Variants in WWC2 observed in about 807,000 individuals in gnomAD.
WWC2 encodes protein WWC2.
A neutral mutation model predicts 138.5 loss-of-function variants in WWC2; 101 were observed. That is an observed-to-expected ratio of 0.73 (90% confidence interval 0.62 to 0.86). WWC2 has a LOEUF of 0.86. Ranked by LOEUF, WWC2 falls within the 40% of genes least tolerant of loss-of-function variation. WWC2 has a pLI of 0.00. For missense variants in WWC2, 1,420 were observed against 1,419.4 expected, an observed-to-expected ratio of 1.00 and a Z score of -0.01; for synonymous variants, 558 against 538.4, an observed-to-expected ratio of 1.04 and a Z score of -0.50.
intron 21 of WWC2, among the ~76,000 whole-genome samples, chr4:183,311,681 G>A (rs1739248893): frequency 6.7e-6 from 1 of 149,746 alleles, no homozygotes; most frequent in Non-Finnish European, 1.5e-5. Flanking sequence ...CCAGGTTCAA[G>A]CCATTCTGCC....
chr4:183,207,657 GC>G (rs1417517008), intron 2 of WWC2, among the ~76,000 whole-genome samples: 2 of 152,234 alleles, frequency 1.3e-5, no homozygotes, highest in South Asian at 4.2e-4. Flanking sequence ...GGAATGAATA[GC>G]TTGGCTTTTA....
intron 2 of WWC2, among the ~76,000 whole-genome samples, chr4:183,197,774 A>G (rs755074824): frequency 1.3e-5 from 2 of 152,172 alleles, no homozygotes; most frequent in Non-Finnish European, 2.9e-5. Flanking sequence ...ATTTACATAC[A>G]CAAAAATGCA....
At position 183,289,595 on chromosome 4, in the gene WWC2, A is replaced by G. The variant is rs1185816018; in HGVS notation, c.3344A>G (p.Asp1115Gly). 6.2e-7 allele frequency: 1 copy of G among 1,613,854 alleles called. No individual in the cohort carries two copies. The highest frequency in any genetic ancestry group is 1.3e-5 in the African/African-American group (1 of 75,008). Residue 1115 changes from aspartate (D) to glycine (G), a missense_variant, in exon 21 of 23, where the codon GAT becomes GGT. By Grantham distance (94) the Asp-to-Gly change is moderately conservative. Transcript: ENST00000403733. The stretch of plus-strand genomic sequence containing the variant: ...GACCTTCCACCAGGCGTGCTGGAGG[A>G]TGAGAGGTTCCAGAGGCTTCTGAAG... ...ETDLPPGVLE[D>G]ERFQRLLKQA...
At chr4:183,212,520 A>G (rs75544546) in intron 4 of WWC2, among the ~76,000 whole-genome samples, 2,526 of 152,292 alleles carry the variant, frequency 0.017, 74 homozygotes, top group African/African-American at 0.058. Flanking sequence ...CTTACTCTCA[A>G]TAAACTCCAA....
chr4:183,158,775 A>G (rs2111134928), intron 1 of WWC2, among the ~76,000 whole-genome samples: 1 of 152,276 alleles, frequency 6.6e-6, no homozygotes, highest in South Asian at 2.1e-4. Flanking sequence ...ATACATAAAC[A>G]TTCCAGTAAA....
intron 2 of WWC2, among the ~76,000 whole-genome samples, chr4:183,202,505 T>A (rs1304896517): frequency 2.6e-5 from 4 of 152,224 alleles, no homozygotes; most frequent in Non-Finnish European, 5.9e-5. Flanking sequence ...TTTTCTTGAT[T>A]GTTTTTCGGT....
intron 4 of WWC2, among the ~76,000 whole-genome samples, chr4:183,210,482 A>T (rs540707048): frequency 4.6e-5 from 7 of 152,348 alleles, no homozygotes; most frequent in African/African-American, 1.7e-4. Context: ...GCTGATGGAT[A>T]TGTTAATTTG....
At chr4:183,241,283 G>A (rs895366674) in intron 5 of WWC2, among the ~76,000 whole-genome samples, 5 of 152,170 alleles carry the variant, frequency 3.3e-5, no homozygotes, top group African/African-American at 1.2e-4. Context: ...TTTTCCCTGT[G>A]GAATCTTACT....
intron 21 of WWC2, among the ~76,000 whole-genome samples, chr4:183,297,540 G>A (rs1291104788): frequency 6.6e-6 from 1 of 151,746 alleles, no homozygotes; most frequent in Non-Finnish European, 1.5e-5. Flanking sequence ...CTCCCAAGTA[G>A]CTGGGACTAC....
intron 4 of WWC2, among the ~76,000 whole-genome samples, chr4:183,209,802 A>G (rs1219877615): frequency 1.3e-5 from 2 of 152,206 alleles, no homozygotes; most frequent in Non-Finnish European, 2.9e-5. Flanking sequence ...GAACTTGTTT[A>G]TCCTTGATTT....
chr4:183,272,811 ATAT>A (rs1318176534), intron 16 of WWC2, among the ~76,000 whole-genome samples: 2 of 152,186 alleles, frequency 1.3e-5, no homozygotes, highest in Admixed American at 1.3e-4. Flanking sequence ...TTCACACATA[ATAT>A]TCTATTGTGG....
At chr4:183,185,171 A>G (rs186182080) in intron 1 of WWC2, among the ~76,000 whole-genome samples, 39 of 152,326 alleles carry the variant, frequency 2.6e-4, no homozygotes, top group African/African-American at 8.2e-4. Context: ...TGACCCCAAC[A>G]GTCTGTGCTT....
Position 183,316,042 on chromosome 4 carries a change from A to T in WWC2, c.*313A>T, listed in dbSNP as rs58714470. On this transcript the variant is annotated 3_prime_UTR_variant, in exon 23 of 23. Transcript: ENST00000403733. ...AAATGGAATAGAGGCAGTACCCCAC[A>T]TGTGTACTGTTGAGCCGGCTGTTGA... 0.091 allele frequency: 21,041 copies of T among 231,946 alleles called. 1,195 individuals carry two copies. Among genetic ancestry groups the T allele is most frequent in the East Asian group, 0.19 (1,774 of 9,120 alleles). The allele number at this position is 231,946 out of a possible 1,614,324, so 14.4% of individuals were successfully genotyped here. A position where few individuals can be genotyped will look rare whatever the true frequency, so the allele number is the denominator to read the frequency against.
intron 16 of WWC2, among the ~76,000 whole-genome samples, chr4:183,279,412 A>G (rs1214340311): frequency 6.6e-6 from 1 of 152,120 alleles, no homozygotes. Context: ...ATCAATGTTC[A>G]TCAAGGATAT....
At chr4:183,111,063 C>T (rs1318431081) in intron 1 of WWC2, among the ~76,000 whole-genome samples, 1 of 152,032 alleles carries the variant, frequency 6.6e-6, no homozygotes, top group Non-Finnish European at 1.5e-5. Flanking sequence ...CATGGTGAAA[C>T]CCCATCTCTA....
intron 20 of WWC2, among the ~76,000 whole-genome samples, chr4:183,286,333 G>T (rs936856090): frequency 2.0e-5 from 3 of 152,150 alleles, no homozygotes; most frequent in Non-Finnish European, 4.4e-5. Context: ...TTCTGAGCCT[G>T]CAGGGGTATC....
rs1743394429 is a variant in WWC2, at chr4:183,107,201, A to G, written c.131+7579A>G. Among the ~76,000 whole-genome samples, 3 of 151,182 alleles carry G rather than the reference A, an allele frequency of 2.0e-5. No homozygotes were observed. The South Asian group carries it at 6.3e-4, about 32-fold the overall frequency. On this transcript the variant is annotated intron_variant, in intron 1 of 22. Coordinates refer to ENST00000403733, the MANE Select transcript of WWC2 (RefSeq NM_024949.6). ...GAGACGGAGCCGGTCTCTCTTGCCC[A>G]GGCTGGAGTGCAGTGGTGATCTCGG...
chr4:183,210,016 C>G (rs1224274572), intron 4 of WWC2, among the ~76,000 whole-genome samples: 2 of 152,060 alleles, frequency 1.3e-5, no homozygotes, highest in African/African-American at 4.8e-5. Flanking sequence ...TTTGATGGCT[C>G]GCCTTGCTCA....
intron 2 of WWC2, among the ~76,000 whole-genome samples, chr4:183,207,151 C>T (rs561001454): frequency 1.2e-4 from 18 of 150,678 alleles, no homozygotes; most frequent in African/African-American, 2.2e-4. Context: ...TGAAATCTAC[C>T]GTGCCTGGGT....
Sources: allele counts gnomAD v4.1 joint callset (sites outside exome capture counted in the v4.1 genomes callset), GRCh38; gene constraint gnomAD v4.1.1; transcripts MANE v1.5; gene names NCBI Gene and HGNC (gene_info 2026-07-23, HGNC 2026-07-21).